The following CD36 variants were observed in gnomAD, a reference collection of about 807,000 sequenced individuals.
CD36 encodes the protein platelet glycoprotein 4.
A neutral mutation model predicts 55.2 loss-of-function variants in CD36; 119 were observed. That is an observed-to-expected ratio of 2.15 (90% CI 1.86 to 2.51). CD36 has a LOEUF of 2.51. Ranked by LOEUF, CD36 falls within the 30% of genes most tolerant of loss-of-function variation. The pLI, the probability that CD36 is intolerant of heterozygous loss-of-function variation, is 0.00. For missense variants in CD36, 819 were observed against 555.5 expected, an observed-to-expected ratio of 1.47 and a Z score of -4.77; for synonymous variants, 186 against 193.6, an observed-to-expected ratio of 0.96 and a Z score of 0.33.
intron 3 of CD36, among the ~76,000 whole-genome samples, chr7:80,649,563 AG>A (rs1460835612): frequency 6.6e-6 from 1 of 152,060 alleles, no homozygotes; most frequent in Admixed American, 6.6e-5. Context: ...GAGGAGTAAA[AG>A]CATCAAACTC....
intron 11 of CD36, 88 bp from the exon 12 acceptor site, chr7:80,672,682 T>C: frequency 1.1e-6 from 1 of 889,940 alleles, no homozygotes; most frequent in South Asian, 1.4e-5. Flanking sequence ...AGTTACTACC[T>C]TCTCTTCTGC....
chr7:80,632,107 C>T (rs1794104179), intron 1 of CD36, among the ~76,000 whole-genome samples: 1 of 151,672 alleles, frequency 6.6e-6, no homozygotes, highest in African/African-American at 2.4e-5. Context: ...TGAGAACCAA[C>T]CTGGAAAATG....
Position 80,674,084 on chromosome 7 carries a change from T to G in CD36, c.1356T>G (p.Gly452=). The G allele has an allele frequency of 6.2e-7, 1 of 1,612,418 alleles. No homozygotes were observed. Among genetic ancestry groups the G allele is most frequent in the Non-Finnish European group, 8.5e-7 (1 of 1,178,912 alleles). Residue 452 remains glycine (G), a synonymous_variant, in exon 14 of 15, where the codon GGT becomes GGG. Transcript: ENST00000447544. Reference sequence around the variant, plus strand: ...TAGAAATGATCTTACTCAGTGTTGGTGTGGTGATGTTTGTTGCTTTTATGA... The same window carrying G: ...TAGAAATGATCTTACTCAGTGTTGGGGTGGTGATGTTTGTTGCTTTTATGA... The part of the protein sequence containing the change: ...GLIEMILLSV[G]VVMFVAFMIS...
chr7:80,673,616 T>A (rs960409718), intron 13 of CD36: 2 of 570,036 alleles, frequency 3.5e-6, no homozygotes, highest in Non-Finnish European at 6.3e-6. Flanking sequence ...AAAATGCATC[T>A]ATTAAACACA....
upstream of CD36, among the ~76,000 whole-genome samples, chr7:80,636,309 T>G (rs1953299): frequency 0.45 from 68,433 of 151,828 alleles, 16,735 homozygotes; most frequent in Non-Finnish European, 0.55. Flanking sequence ...TTTAGTTTTC[T>G]CTATTCTTTG....
chr7:80,618,588 G>A (rs920637954), intron 1 of CD36, among the ~76,000 whole-genome samples: 18 of 152,156 alleles, frequency 1.2e-4, no homozygotes, highest in African/African-American at 4.3e-4. Context: ...AACACACAAA[G>A]GATAAGAAAG....
At chr7:80,608,674 G>C (rs1792699894) in intron 1 of CD36, among the ~76,000 whole-genome samples, 1 of 152,118 alleles carries the variant, frequency 6.6e-6, no homozygotes, top group Non-Finnish European at 1.5e-5. Context: ...GCCAGTTAGT[G>C]AAAATGTCAA....
chr7:80,674,747 TC>T (rs1260273994), intron 14 of CD36, among the ~76,000 whole-genome samples: 4 of 152,078 alleles, frequency 2.6e-5, no homozygotes, highest in Non-Finnish European at 4.4e-5. Context: ...TTTTTAGTTA[TC>T]ACAGGTAACA....
chr7:80,603,618 T>A (rs1792365412), intron 1 of CD36, among the ~76,000 whole-genome samples: 1 of 152,134 alleles, frequency 6.6e-6, no homozygotes, highest in African/African-American at 2.4e-5. Flanking sequence ...ATGCAAATAC[T>A]AATTATTTGG....
At chr7:80,658,329 A>C in intron 4 of CD36, among the ~76,000 whole-genome samples, 1 of 152,184 alleles carries the variant, frequency 6.6e-6, no homozygotes, top group East Asian at 1.9e-4. Flanking sequence ...ATGAAAATCT[A>C]GAATTCACAT....
At chr7:80,656,029 T>A (rs1466495694) in intron 3 of CD36, among the ~76,000 whole-genome samples, 3 of 152,136 alleles carry the variant, frequency 2.0e-5, no homozygotes, top group Non-Finnish European at 4.4e-5. Context: ...ATTTTTATTT[T>A]CTTAATGTAG....
At chr7:80,648,520 C>A (rs1795348954) in intron 3 of CD36, among the ~76,000 whole-genome samples, 1 of 149,844 alleles carries the variant, frequency 6.7e-6, no homozygotes, top group African/African-American at 2.5e-5. Flanking sequence ...TATTTTAATT[C>A]TTTAATATTT....
chr7:80,602,940 C>T (rs1283913499), intron 1 of CD36, among the ~76,000 whole-genome samples: 1 of 152,098 alleles, frequency 6.6e-6, no homozygotes. Context: ...TAAGAAATAA[C>T]CTAAAAGACC....
At chr7:80,621,197 G>A (rs980142804) in intron 1 of CD36, among the ~76,000 whole-genome samples, 1 of 151,978 alleles carries the variant, frequency 6.6e-6, no homozygotes, top group African/African-American at 2.4e-5. Flanking sequence ...ATTTTTTAAT[G>A]GTATGGCACA....
intron 3 of CD36, 140 bp from the exon 4 acceptor site, chr7:80,656,400 G>A (rs1398888224): frequency 2.9e-6 from 2 of 680,632 alleles, no homozygotes; most frequent in Non-Finnish European, 5.3e-6. Flanking sequence ...CAAGTGTATG[G>A]TAAGGTTGCA....
At chr7:80,603,290 C>T (rs1424703152) in intron 1 of CD36, among the ~76,000 whole-genome samples, 2 of 152,114 alleles carry the variant, frequency 1.3e-5, no homozygotes, top group Admixed American at 1.3e-4. Context: ...ATTCTACAAG[C>T]CCTGGAAAAG....
intron 1 of CD36, among the ~76,000 whole-genome samples, chr7:80,640,314 C>G (rs1794720976): frequency 6.6e-6 from 1 of 151,900 alleles, no homozygotes; most frequent in Non-Finnish European, 1.5e-5. Context: ...AAAATATACA[C>G]ATTTATTAGA....
At position 80,646,696 on chromosome 7, in the gene CD36, C is replaced by T. The variant is rs371762333; in HGVS notation, c.-45C>T. On this transcript the variant is annotated 5_prime_UTR_variant, in exon 3 of 15. Transcript: ENST00000447544. ...CACTTTAATCATATCCAGGAGTTTG[C>T]AAGAAACAGGTGCTTAACACTAATT... is the stretch of plus-strand genomic sequence containing the variant. 20 of 1,612,482 alleles carry T rather than the reference C, an allele frequency of 1.2e-5. No individual in the cohort carries two copies. Among genetic ancestry groups the T allele is most frequent in the African/African-American group, 2.7e-5 (2 of 74,832 alleles).
upstream of CD36, chr7:80,637,128 A>C (rs1794473034): frequency 6.6e-6 from 1 of 152,062 alleles, no homozygotes; most frequent in Non-Finnish European, 1.5e-5. Flanking sequence ...TGCTCTTTTA[A>C]ACAGGTCTTA....
Sources: gnomAD v4.1 joint callset for allele counts (sites outside exome capture counted in the v4.1 genomes callset) on GRCh38, gnomAD v4.1.1 for gene constraint, MANE v1.5 for transcripts, NCBI Gene and HGNC (gene_info 2026-07-23, HGNC 2026-07-21) for gene names.